MAP2K5: variants seen among roughly 807,000 people sequenced by gnomAD.
MAP2K5 encodes dual specificity mitogen-activated protein kinase kinase 5.
Under a neutral mutation model 83.1 loss-of-function variants are expected in MAP2K5, and 49 were observed. The observed-to-expected ratio is 0.59, with a 90% CI of 0.47 to 0.75. MAP2K5 has a LOEUF of 0.75. MAP2K5 is among the 30% of genes least tolerant of loss of function. MAP2K5 has a pLI of 0.00. For missense variants in MAP2K5, 457 were observed against 557.5 expected, an observed-to-expected ratio of 0.82 and a Z score of 1.82; for synonymous variants, 202 against 191.8, an observed-to-expected ratio of 1.05 and a Z score of -0.44.
rs1270725508 is a variant in MAP2K5 at position 67,781,209 on chromosome 15, GT to G, written c.1242+8461del. ...AATTGCTGTTGAAGGTAGCAAAGTT[GT>G]TTTCCTGTGAGTACACACCGATAAA... On this transcript the variant is annotated intron_variant, in intron 21 of 21. Coordinates refer to ENST00000178640, the MANE Select transcript of MAP2K5 (RefSeq NM_145160.3). This position sits in a 1 kb window ranked among gnomAD's most constrained non-coding sequence, Gnocchi z 4.0. Among the ~76,000 whole-genome samples, 1 of 152,192 alleles carries G rather than the reference GT, an allele frequency of 6.6e-6. No homozygotes were observed. The highest frequency in any genetic ancestry group is 1.9e-4 in the East Asian group (1 of 5,198).
In MAP2K5 at chr15:67,806,771, A is replaced by G; in HGVS notation, c.*21A>G. 1.3e-6 allele frequency: 2 copies of G among 1,576,962 alleles called. No individual in the cohort carries two copies. Among genetic ancestry groups the G allele is most frequent in the Non-Finnish European group, 1.7e-6 (2 of 1,166,008 alleles). On this transcript the variant is annotated 3_prime_UTR_variant, in exon 22 of 22. Coordinates refer to ENST00000178640, the MANE Select transcript of MAP2K5 (RefSeq NM_145160.3). Reference sequence around the variant, plus strand: ...CGTGAGGCTGCCGCAGGGCACTGAAAGCCCAGGACCAGTAACCAAGGAGAA... The same window carrying G: ...CGTGAGGCTGCCGCAGGGCACTGAAGGCCCAGGACCAGTAACCAAGGAGAA...
chr15:67,787,794 T>G (rs1199499298), intron 21 of MAP2K5, among the ~76,000 whole-genome samples: 1 of 152,254 alleles, frequency 6.6e-6, no homozygotes, highest in Non-Finnish European at 1.5e-5. Context: ...ATGGCAAATC[T>G]AAATCACATG....
intron 19 of MAP2K5, among the ~76,000 whole-genome samples, chr15:67,766,759 ACT>A (rs1566957321): frequency 1.3e-5 from 2 of 152,158 alleles, no homozygotes; most frequent in East Asian, 3.8e-4. Flanking sequence ...TGCAGAGAAC[ACT>A]CTCAGGTATA....
At position 67,760,703 on chromosome 15, in the gene MAP2K5, T is replaced by G. The variant is rs1411237717; in HGVS notation, c.1135-8899T>G. ...ATGTATTATTAATGAATTAATTTCT[T>G]GGTGGTGGAGGCCTGTGAATAGCGG... On this transcript the variant is annotated intron_variant, in intron 19 of 21. Transcript: ENST00000178640. This position sits in a 1 kb window ranked among gnomAD's most constrained non-coding sequence, Gnocchi z 4.1. Among the ~76,000 whole-genome samples the G allele has an allele frequency of 6.6e-6, 1 of 152,188 alleles. No homozygotes were observed. Among genetic ancestry groups the G allele is most frequent in the Non-Finnish European group, 1.5e-5 (1 of 68,036 alleles).
chr15:67,620,276 CAGGAGAATCGCTTGAACCTGGG>C (rs2086152280), intron 8 of MAP2K5, among the ~76,000 whole-genome samples: 1 of 152,130 alleles, frequency 6.6e-6, no homozygotes, highest in Admixed American at 6.6e-5. Flanking sequence ...GAGGCTGAGG[CAGGAGAATCGCTTGAACCTGGG>C]AGGCAGAGGT....
In MAP2K5 at chr15:67,677,008, A is replaced by G. The variant is rs1688117943; in HGVS notation, c.847+12363A>G. Among the ~76,000 whole-genome samples, 1 of 152,244 alleles carries G rather than the reference A, an allele frequency of 6.6e-6. No homozygotes were observed. The highest frequency in any genetic ancestry group is 6.5e-5 in the Admixed American group (1 of 15,288). On this transcript the variant is annotated intron_variant, in intron 13 of 21. Transcript: ENST00000178640. This position sits in a 1 kb window ranked among gnomAD's most constrained non-coding sequence, Gnocchi z 4.2. ...TGTCAAATAATTATTTCTCAAGAAA[A>G]GAAGCAAGAGGTTAAATGAGAGGGA...
intron 19 of MAP2K5, among the ~76,000 whole-genome samples, chr15:67,759,237 T>C (rs554515006): frequency 6.6e-6 from 1 of 152,116 alleles, no homozygotes; most frequent in South Asian, 2.1e-4. Context: ...GCAAGAATGA[T>C]TGCCTAATAA....
chr15:67,792,666 A>G (rs990696409), intron 21 of MAP2K5, among the ~76,000 whole-genome samples: 1 of 152,196 alleles, frequency 6.6e-6, no homozygotes, highest in African/African-American at 2.4e-5. Flanking sequence ...TTCCAAGATT[A>G]TGTCATTGGA....
At position 67,790,380 on chromosome 15, in the gene MAP2K5, C is replaced by T. The variant is rs919035024; in HGVS notation, c.1243-16266C>T. Among the ~76,000 whole-genome samples the T allele has an allele frequency of 1.2e-4, 18 of 152,098 alleles. No individual in the cohort carries two copies. The highest frequency in any genetic ancestry group is 2.4e-4 in the Non-Finnish European group (16 of 68,018). On this transcript the variant is annotated intron_variant, in intron 21 of 21. Coordinates refer to ENST00000178640, the MANE Select transcript of MAP2K5 (RefSeq NM_145160.3). The surrounding 1 kb of genome is among the most constrained non-coding windows in gnomAD (Gnocchi z 4.6). Reference sequence around the variant, plus strand: ...CTGAGTGTGAGGTCTTTCCACAGAGCGCCCAAGGTCCCATTGCATTATATC... The same window carrying T: ...CTGAGTGTGAGGTCTTTCCACAGAGTGCCCAAGGTCCCATTGCATTATATC...
At chr15:67,752,757 A>G (rs2089750718) in intron 19 of MAP2K5, among the ~76,000 whole-genome samples, 1 of 152,096 alleles carries the variant, frequency 6.6e-6, no homozygotes, top group Admixed American at 6.5e-5. Context: ...TATTGTTACG[A>G]TGGAAATACT....
At chr15:67,583,546 C>T (rs1044296076) in intron 4 of MAP2K5, among the ~76,000 whole-genome samples, 3 of 151,810 alleles carry the variant, frequency 2.0e-5, no homozygotes, top group Non-Finnish European at 4.4e-5. Flanking sequence ...CTGTCTACAT[C>T]GAATGTACAT....
At chr15:67,700,607 A>G (rs1246084221) in intron 15 of MAP2K5, among the ~76,000 whole-genome samples, 1 of 152,188 alleles carries the variant, frequency 6.6e-6, no homozygotes, top group Admixed American at 6.5e-5. Context: ...TGAATTGTGC[A>G]GCCTTGGGCC....
chr15:67,656,856 AAG>A (rs1017152884), intron 11 of MAP2K5, among the ~76,000 whole-genome samples: 62 of 152,182 alleles, frequency 4.1e-4, no homozygotes, highest in African/African-American at 1.4e-3. Context: ...ATGATAATAA[AAG>A]AGAAAAATTA....
At chr15:67,627,752 A>T (rs1007760308) in intron 8 of MAP2K5, 11 of 299,242 alleles carry the variant, frequency 3.7e-5, no homozygotes, top group Non-Finnish European at 6.8e-5. Flanking sequence ...TCATATGTAA[A>T]TTATATCTCA....
At chr15:67,546,683 G>C (rs1344279788) in intron 1 of MAP2K5, 11 of 886,536 alleles carry the variant, frequency 1.2e-5, no homozygotes, top group Non-Finnish European at 1.4e-5. Context: ...CAAGAGGTCT[G>C]GTTAGTGTGT....
chr15:67,563,257 C>T lies in MAP2K5; in HGVS notation c.185-26C>T, dbSNP rs201621976. 1.0e-5 allele frequency: 16 copies of T among 1,603,500 alleles called. No homozygotes were observed. The African/African-American group carries it at 2.0e-4, about 20-fold the overall frequency. On this transcript the variant is annotated intron_variant, in intron 2 of 21. Transcript: ENST00000178640. The surrounding 1 kb of genome is among the most constrained non-coding windows in gnomAD (Gnocchi z 4.5). ...TGCATTAAACAAATGCACACCTTAT[C>T]ATTTGCATTATGTGCTTTTAAACAG...
intron 16 of MAP2K5, among the ~76,000 whole-genome samples, chr15:67,714,121 C>A (rs2088769012): frequency 1.3e-5 from 2 of 152,060 alleles, no homozygotes; most frequent in African/African-American, 2.4e-5. Flanking sequence ...ATTCCCTTTC[C>A]TTGTTGAGCC....
chr15:67,683,817 A>G (rs1189230734), intron 13 of MAP2K5, among the ~76,000 whole-genome samples: 1 of 152,204 alleles, frequency 6.6e-6, no homozygotes, highest in East Asian at 1.9e-4. Flanking sequence ...CCATGGAGTC[A>G]CTGCTGTGGG....
Position 67,654,873 on chromosome 15 carries a change from C to T in MAP2K5, c.737-3680C>T, listed in dbSNP as rs114641379. 4.7e-3 allele frequency among the ~76,000 whole-genome samples: 710 copies of T among 151,954 alleles called. 5 individuals are homozygous for T. The highest frequency in any genetic ancestry group is 0.016 in the African/African-American group (675 of 41,448). ...GTCAGGAGTTCAAGATTAGCCTGGC[C>T]GAGTTGGTGAAACCTCGTCTCTCCT... On this transcript the variant is annotated intron_variant, in intron 11 of 21. Coordinates refer to ENST00000178640, the MANE Select transcript of MAP2K5 (RefSeq NM_145160.3).
Sources: allele counts gnomAD v4.1 joint callset (sites outside exome capture counted in the v4.1 genomes callset), GRCh38; gene constraint gnomAD v4.1.1; non-coding constraint Gnocchi (gnomAD v3.1); transcripts MANE v1.5; gene names NCBI Gene and HGNC (gene_info 2026-07-23, HGNC 2026-07-21).